Variants in CEP128 observed in about 807,000 individuals in gnomAD.
CEP128 encodes centrosomal protein 128kDa.
CEP128 carries 132 observed loss-of-function variants against 156.7 expected under a neutral mutation model. That is an observed-to-expected ratio of 0.84 (90% CI 0.73 to 0.97). The LOEUF is 0.97. Ranked by LOEUF, CEP128 falls within the 50% of genes least tolerant of loss-of-function variation. CEP128 has a pLI of 0.00. For missense variants in CEP128, 1,252 were observed against 1,281.9 expected, an observed-to-expected ratio of 0.98 and a Z score of 0.36; for synonymous variants, 469 against 448.9, an observed-to-expected ratio of 1.04 and a Z score of -0.57.
At chr14:80,487,227 T>C (rs1887186554), downstream of CEP128, among the ~76,000 whole-genome samples, 1 of 152,056 alleles carries the variant, frequency 6.6e-6, no homozygotes, top group Non-Finnish European at 1.5e-5. Flanking sequence ...GTTGCAATCC[T>C]AGTCTCTGAT....
chr14:80,900,140 G>A (rs1007916176), intron 6 of CEP128, 111 bp from the exon 7 acceptor site: 36 of 627,244 alleles, frequency 5.7e-5, no homozygotes, highest in African/African-American at 4.4e-4. Flanking sequence ...ACCAGATTCC[G>A]TAATATTATT....
chr14:80,572,478 T>A (rs778018563), intron 20 of CEP128, among the ~76,000 whole-genome samples: 1 of 152,164 alleles, frequency 6.6e-6, no homozygotes, highest in South Asian at 2.1e-4. Context: ...TGGATTAACA[T>A]AGATATTTGC....
rs148612730 is a variant in CEP128, at chr14:80,480,655, G to A, written c.*311-2248C>T. ...TTTTTCTTTTCTATTGCATAGTAAG[G>A]CTGCAAATTTTCCAAACTTCATGCT... is the stretch of plus-strand genomic sequence containing the variant. On this transcript the variant is annotated intron_variant and NMD_transcript_variant, in intron 14 of 14. Coordinates refer to the CEP128 transcript ENST00000554502. Among the ~76,000 whole-genome samples the A allele has an allele frequency of 3.0e-3, 462 of 152,220 alleles. 1 individual carries two copies. Among genetic ancestry groups the A allele is most frequent in the Non-Finnish European group, 4.5e-3 (307 of 68,002 alleles).
At chr14:80,603,824 A>G (rs550382393) in intron 19 of CEP128, among the ~76,000 whole-genome samples, 1 of 152,258 alleles carries the variant, frequency 6.6e-6, no homozygotes, top group Non-Finnish European at 1.5e-5. Flanking sequence ...GACCATCAAT[A>G]TTCTCTCAGG....
chr14:80,904,700 T>TAATGATCA, intron 6 of CEP128, 113 bp downstream of exon 6: 2 of 706,200 alleles, frequency 2.8e-6, no homozygotes, highest in Non-Finnish European at 5.1e-6. Context: ...ATAAAGTTAC[T>TAATGATCA]AATGATCAAA....
At chr14:80,612,558 T>A (rs1466901836) in intron 19 of CEP128, among the ~76,000 whole-genome samples, 1 of 152,198 alleles carries the variant, frequency 6.6e-6, no homozygotes, top group Non-Finnish European at 1.5e-5. Flanking sequence ...CAAAGGATAA[T>A]CACATTATTT....
chr14:80,765,480 CCT>C (rs1481575010), intron 16 of CEP128, among the ~76,000 whole-genome samples: 11 of 152,064 alleles, frequency 7.2e-5, no homozygotes, highest in East Asian at 1.9e-4. Context: ...GGCAATATCC[CCT>C]GATTCTACAA....
chr14:80,661,907 T>C (rs1895418007), intron 19 of CEP128, among the ~76,000 whole-genome samples: 1 of 152,182 alleles, frequency 6.6e-6, no homozygotes, highest in Non-Finnish European at 1.5e-5. Flanking sequence ...CTTAATGGAC[T>C]GAAAAACATC....
intron 19 of CEP128, among the ~76,000 whole-genome samples, chr14:80,662,079 G>A (rs1211396470): frequency 6.6e-6 from 1 of 152,284 alleles, no homozygotes. Context: ...CATGATCTCA[G>A]CTGAATGCGT....
At chr14:80,910,124 C>T (rs1246240726) in intron 4 of CEP128, among the ~76,000 whole-genome samples, 1 of 152,120 alleles carries the variant, frequency 6.6e-6, no homozygotes, top group Admixed American at 6.5e-5. Context: ...CATCATAGAA[C>T]ATAATATAAT....
chr14:80,739,211 C>CT (rs373814454), intron 19 of CEP128, among the ~76,000 whole-genome samples: 10 of 151,970 alleles, frequency 6.6e-5, no homozygotes, highest in East Asian at 3.9e-4. Context: ...TATGTTCATC[C>CT]TTTTTTTTGA....
At position 80,711,908 on chromosome 14, in the gene CEP128, T is replaced by C. The variant is rs187469849; in HGVS notation, c.2806+31167A>G. On this transcript the variant is annotated intron_variant, in intron 19 of 24. Coordinates refer to ENST00000555265, the MANE Select transcript of CEP128 (RefSeq NM_152446.5). ...AATAAAAAATTCGAGTGAAAATAAT[T>C]TCAATGGTGTTTATTGAACTATTTG... Among the ~76,000 whole-genome samples the C allele has an allele frequency of 5.4e-3, 817 of 152,186 alleles. 12 individuals are homozygous for C. The highest frequency in any genetic ancestry group is 0.019 in the African/African-American group (793 of 41,540).
Position 80,622,006 on chromosome 14 carries a change from C to A in CEP128, c.2807-41583G>T, listed in dbSNP as rs542037987. On this transcript the variant is annotated intron_variant, in intron 19 of 24. Coordinates refer to ENST00000555265, the MANE Select transcript of CEP128 (RefSeq NM_152446.5). ...GTGACCTATCCCCTTTACATCTGCT[C>A]ATTTCTTATAAAGCAGCAGCATAAG... 2.0e-5 allele frequency among the ~76,000 whole-genome samples: 3 copies of A among 152,116 alleles called. No homozygotes were observed. The South Asian group carries it at 6.2e-4, about 32-fold the overall frequency.
intron 21 of CEP128, among the ~76,000 whole-genome samples, chr14:80,549,581 C>T (rs536500422): frequency 6.6e-6 from 1 of 152,248 alleles, no homozygotes; most frequent in African/African-American, 2.4e-5. Flanking sequence ...TTTTCCTTAG[C>T]GTCAAGATTC....
chr14:80,860,010 G>T (rs543622801), intron 9 of CEP128, among the ~76,000 whole-genome samples: 4 of 152,256 alleles, frequency 2.6e-5, no homozygotes, highest in African/African-American at 7.2e-5. Flanking sequence ...GTGGCTAGAA[G>T]TTCAGGCCCA....
chr14:80,836,236 A>T lies in CEP128; in HGVS notation c.1026T>A (p.Asp342Glu), dbSNP rs747747929. 6.2e-7 allele frequency: 1 copy of T among 1,614,044 alleles called. No homozygotes were observed. The highest frequency in any genetic ancestry group is 8.5e-7 in the Non-Finnish European group (1 of 1,179,928). The change falls in exon 12 of 25, where the codon GAT (aspartate) becomes GAA (glutamate). Residue 342 changes from aspartate (D) to glutamate (E), a missense_variant. By Grantham distance (45) the Asp-to-Glu change is conservative (BLOSUM62 2). Coordinates refer to ENST00000555265, the MANE Select transcript of CEP128 (RefSeq NM_152446.5). ...TAAATCTCCAGTCCTCCCCTTGTTCATCCTGATAGTTTGACTGTTGCTTGG... is the reference window on the plus strand; with the variant it reads ...TAAATCTCCAGTCCTCCCCTTGTTCTTCCTGATAGTTTGACTGTTGCTTGG... ...QISKQQSNYQ[D>E]EQGEDWRFRR...
chr14:80,939,173 T>C (rs141361220), intron 2 of CEP128, among the ~76,000 whole-genome samples: 143 of 152,358 alleles, frequency 9.4e-4, no homozygotes, highest in African/African-American at 3.2e-3. Flanking sequence ...ACTGTTGCTT[T>C]TGTTAAGGTT....
chr14:80,682,020 A>G (rs1274530790), intron 19 of CEP128, among the ~76,000 whole-genome samples: 4 of 152,198 alleles, frequency 2.6e-5, no homozygotes, highest in Non-Finnish European at 5.9e-5. Context: ...AGACAGAAGG[A>G]TCACTTGAAC....
chr14:80,850,020 T>C (rs766981588), intron 9 of CEP128, among the ~76,000 whole-genome samples: 1 of 151,992 alleles, frequency 6.6e-6, no homozygotes, highest in Non-Finnish European at 1.5e-5. Context: ...TTATAATCTG[T>C]TTTACTAGAT....
Sources: gnomAD v4.1 joint callset for allele counts (sites outside exome capture counted in the v4.1 genomes callset) on GRCh38, gnomAD v4.1.1 for gene constraint, MANE v1.5 for transcripts, NCBI Gene and HGNC (gene_info 2026-07-23, HGNC 2026-07-21) for gene names.